Variants in CALN1 observed in about 807,000 individuals in gnomAD.
CALN1 encodes the protein calcium-binding protein 8.
A neutral mutation model predicts 30.6 loss-of-function variants in CALN1; 17 were observed. The ratio of observed to expected loss-of-function variants is 0.56; its 90% CI spans 0.38 to 0.83. CALN1 has a LOEUF of 0.83. CALN1 is among the 40% of genes least tolerant of loss of function. The pLI, the probability that CALN1 is intolerant of heterozygous loss-of-function variation, is 0.00. For synonymous variants in CALN1, 156 were observed against 131.4 expected, an observed-to-expected ratio of 1.19 and a Z score of -1.28; for missense variants, 291 against 354.9, an observed-to-expected ratio of 0.82 and a Z score of 1.45.
chr7:72,333,699 A>G (rs1214017910), intron 2 of CALN1, among the ~76,000 whole-genome samples: 1 of 152,064 alleles, frequency 6.6e-6, no homozygotes, highest in East Asian at 1.9e-4. Context: ...CAGAAAAAAA[A>G]AAAAAAAAAG....
intron 3 of CALN1, among the ~76,000 whole-genome samples, chr7:72,212,623 G>A (rs1291193518): frequency 6.6e-6 from 1 of 151,978 alleles, no homozygotes; most frequent in Non-Finnish European, 1.5e-5. Context: ...AAGACCAGCA[G>A]GGGCAGCAAA....
intron 2 of CALN1, among the ~76,000 whole-genome samples, chr7:72,400,923 G>A (rs750248482): frequency 2.6e-5 from 4 of 152,126 alleles, no homozygotes; most frequent in South Asian, 2.1e-4. Context: ...TGGAAGATGA[G>A]ACACATCAAG....
chr7:72,282,801 C>T (rs1797821242), intron 2 of CALN1, among the ~76,000 whole-genome samples: 1 of 152,090 alleles, frequency 6.6e-6, no homozygotes, highest in African/African-American at 2.4e-5. Flanking sequence ...TGCCTGTAAA[C>T]CCAGAACTTT....
At chr7:72,189,922 T>C (rs1790483705) in intron 3 of CALN1, among the ~76,000 whole-genome samples, 1 of 152,212 alleles carries the variant, frequency 6.6e-6, no homozygotes, top group Non-Finnish European at 1.5e-5. Context: ...CCGAATTCTG[T>C]CTGCTAGTAG....
In CALN1 at chr7:72,010,712, C is replaced by G. The variant is rs1800020655; in HGVS notation, c.501+12945G>C. Among the ~76,000 whole-genome samples the G allele has an allele frequency of 2.0e-5, 3 of 151,318 alleles. No individual in the cohort carries two copies. The South Asian group carries it at 6.3e-4, about 32-fold the overall frequency. On this transcript the variant is annotated intron_variant, in intron 5 of 6. Coordinates refer to ENST00000395275, the MANE Select transcript of CALN1 (RefSeq NM_031468.4). ...TCTGTAATCCCAGCTACTCAGGAAG[C>G]TGAGGTAGAAAAATTGCTTGAACCC...
At chr7:71,863,048 C>A (rs35991621) in intron 5 of CALN1, among the ~76,000 whole-genome samples, 26,189 of 151,884 alleles carry the variant, frequency 0.17, 2,715 homozygotes, top group Non-Finnish European at 0.23. Context: ...CTACTTGAGG[C>A]TAGGAGTTTG....
chr7:72,357,873 T>C (rs1803332719), intron 2 of CALN1, among the ~76,000 whole-genome samples: 1 of 149,172 alleles, frequency 6.7e-6, no homozygotes, highest in Non-Finnish European at 1.5e-5. Context: ...TGTGTGTTTT[T>C]TTTTAGATGG....
chr7:71,902,974 G>A (rs1422407047), intron 5 of CALN1, among the ~76,000 whole-genome samples: 1 of 151,740 alleles, frequency 6.6e-6, no homozygotes, highest in Non-Finnish European at 1.5e-5. Flanking sequence ...AGCTTGGAAG[G>A]GTAGGAGGGT....
At chr7:72,268,683 G>C (rs1404348642) in intron 3 of CALN1, among the ~76,000 whole-genome samples, 2 of 151,922 alleles carry the variant, frequency 1.3e-5, no homozygotes, top group African/African-American at 4.8e-5. Flanking sequence ...TGTAGTCCTA[G>C]CTACTCGGGA....
intron 4 of CALN1, among the ~76,000 whole-genome samples, chr7:72,031,010 T>C (rs962383587): frequency 7.2e-5 from 11 of 152,146 alleles, no homozygotes; most frequent in African/African-American, 1.9e-4. Context: ...CTGGGACATA[T>C]ACTAATTCAT....
At chr7:72,234,911 G>A (rs1424975076) in intron 3 of CALN1, among the ~76,000 whole-genome samples, 1 of 152,118 alleles carries the variant, frequency 6.6e-6, no homozygotes, top group Admixed American at 6.6e-5. Flanking sequence ...GCTTCTAGTT[G>A]CTATTGCTAT....
intron 2 of CALN1, among the ~76,000 whole-genome samples, chr7:72,284,083 G>A (rs893870950): frequency 2.0e-5 from 3 of 152,172 alleles, no homozygotes; most frequent in Non-Finnish European, 4.4e-5. Context: ...TTGAGGCTAG[G>A]AGTTCAAGAC....
At chr7:72,046,220 G>A (rs1010596327) in intron 4 of CALN1, among the ~76,000 whole-genome samples, 1 of 151,952 alleles carries the variant, frequency 6.6e-6, no homozygotes, top group Non-Finnish European at 1.5e-5. Context: ...AGCTGAGGTG[G>A]AAGCCTCAGG....
chr7:72,125,292 G>T (rs966865472), intron 3 of CALN1, among the ~76,000 whole-genome samples: 4 of 152,184 alleles, frequency 2.6e-5, no homozygotes, highest in Non-Finnish European at 5.9e-5. Flanking sequence ...TGGGATTACA[G>T]GCGTGAGCCA....
intron 3 of CALN1, among the ~76,000 whole-genome samples, chr7:72,159,460 A>T (rs897185918): frequency 7.2e-5 from 11 of 152,036 alleles, no homozygotes; most frequent in African/African-American, 2.4e-4. Flanking sequence ...TGACCACGCC[A>T]CTGTACTCCA....
intron 3 of CALN1, among the ~76,000 whole-genome samples, chr7:72,158,931 C>G (rs1355043612): frequency 6.6e-6 from 1 of 152,168 alleles, no homozygotes; most frequent in East Asian, 1.9e-4. Flanking sequence ...CGACTCACTG[C>G]AACCTCTGCC....
chr7:72,244,389 A>G (rs1444719960), intron 3 of CALN1, among the ~76,000 whole-genome samples: 1 of 152,218 alleles, frequency 6.6e-6, no homozygotes, highest in Non-Finnish European at 1.5e-5. Context: ...TTAAGTTCCT[A>G]CAACGTACAA....
chr7:72,440,209 C>T (rs150865448), intron 1 of CALN1, among the ~76,000 whole-genome samples: 1 of 152,282 alleles, frequency 6.6e-6, no homozygotes, highest in African/African-American at 2.4e-5. Flanking sequence ...GGGTGCAGAC[C>T]ATGTCCTATT....
chr7:72,067,273 T>C (rs952084180), intron 4 of CALN1, among the ~76,000 whole-genome samples: 3 of 152,082 alleles, frequency 2.0e-5, no homozygotes, highest in African/African-American at 2.4e-5. Context: ...ACAAGGTCTC[T>C]CTCTGTCACC....
Sources: allele counts gnomAD v4.1 joint callset (sites outside exome capture counted in the v4.1 genomes callset), GRCh38; gene constraint gnomAD v4.1.1; transcripts MANE v1.5; gene names NCBI Gene and HGNC (gene_info 2026-07-23, HGNC 2026-07-21).